Variants in PRDM15 observed in about 807,000 individuals in gnomAD.
PRDM15 encodes PR domain zinc finger protein 15.
Under a neutral mutation model 128.6 loss-of-function variants are expected in PRDM15, and 64 were observed. That is an observed-to-expected ratio of 0.50 (90% confidence interval 0.41 to 0.61). The LOEUF is 0.61. PRDM15 is among the 20% of genes least tolerant of loss of function. The pLI, the probability that PRDM15 is intolerant of heterozygous loss-of-function variation, is 0.00. For missense variants in PRDM15, 1,242 were observed against 1,569.1 expected, an observed-to-expected ratio of 0.79 and a Z score of 3.52; for synonymous variants, 615 against 621.8, an observed-to-expected ratio of 0.99 and a Z score of 0.16.
intron 21 of PRDM15, among the ~76,000 whole-genome samples, chr21:41,809,619 G>A (rs990848949): frequency 6.6e-6 from 1 of 152,098 alleles, no homozygotes; most frequent in East Asian, 1.9e-4. Context: ...CTGCTTTTAC[G>A]CTTAGAGAGT....
chr21:41,873,816 G>A (rs2064299837), intron 1 of PRDM15, among the ~76,000 whole-genome samples: 1 of 152,198 alleles, frequency 6.6e-6, no homozygotes, highest in Non-Finnish European at 1.5e-5. Context: ...GGGCCAAGGT[G>A]GGAGGATTGC....
At chr21:41,878,846 G>GA in intron 1 of PRDM15, 1 of 870,960 alleles carries the variant, frequency 1.1e-6, no homozygotes, top group Non-Finnish European at 1.3e-6. Context: ...GCCGCGGGCC[G>GA]GGGCGGCGAA....
intron 11 of PRDM15, among the ~76,000 whole-genome samples, chr21:41,831,068 C>T (rs908637044): frequency 2.6e-5 from 4 of 152,244 alleles, no homozygotes; most frequent in African/African-American, 7.2e-5. Context: ...GACCCAGGAG[C>T]GGGGCACCAG....
intron 6 of PRDM15, among the ~76,000 whole-genome samples, chr21:41,845,504 C>T (rs1024367437): frequency 2.6e-5 from 4 of 151,784 alleles, no homozygotes; most frequent in Non-Finnish European, 5.9e-5. Context: ...CTCAGGACCC[C>T]TCCGGTAATC....
At position 41,858,528 on chromosome 21, in the gene PRDM15, G is replaced by A. The variant is rs537960539; in HGVS notation, c.131+1064C>T. Among the ~76,000 whole-genome samples, 154 of 151,308 alleles carry A rather than the reference G, an allele frequency of 1.0e-3. 3 individuals are homozygous for A. Among genetic ancestry groups the A allele is most frequent in the African/African-American group, 3.5e-3 (144 of 41,288 alleles). On this transcript the variant is annotated intron_variant, in intron 3 of 23. Transcript: ENST00000398548. ...GAGCACAGGCCCCTCCGACAGAGGCGGACATTGGGTGCCCAGAGCACAGGC... is the reference window on the plus strand; with the variant it reads ...GAGCACAGGCCCCTCCGACAGAGGCAGACATTGGGTGCCCAGAGCACAGGC...
intron 1 of PRDM15, among the ~76,000 whole-genome samples, chr21:41,873,923 G>A (rs2064303771): frequency 6.6e-6 from 1 of 152,104 alleles, no homozygotes; most frequent in South Asian, 2.1e-4. Flanking sequence ...GCACATGCCT[G>A]TAGTCATAGC....
At chr21:41,869,593 T>C (rs900423167) in intron 1 of PRDM15, among the ~76,000 whole-genome samples, 4 of 152,062 alleles carry the variant, frequency 2.6e-5, no homozygotes, top group African/African-American at 9.7e-5. Context: ...ATTACAGGCA[T>C]GCACCACCAC....
chr21:41,851,848 C>A (rs1478512728), intron 5 of PRDM15, among the ~76,000 whole-genome samples: 1 of 152,192 alleles, frequency 6.6e-6, no homozygotes, highest in East Asian at 1.9e-4. Context: ...AAGTGACCAT[C>A]CTAAAAAGCA....
intron 3 of PRDM15, among the ~76,000 whole-genome samples, chr21:41,858,675 G>A (rs2063716527): frequency 6.6e-6 from 1 of 152,232 alleles, no homozygotes. Context: ...CAAGGAGCCA[G>A]CACGGAGGGT....
intron 12 of PRDM15, 23 bp from the exon 13 acceptor site, chr21:41,826,077 C>T: frequency 6.3e-7 from 1 of 1,590,810 alleles, no homozygotes; most frequent in East Asian, 2.2e-5. Context: ...ACCCCACCAG[C>T]AAGACAGTGA....
intron 17 of PRDM15, 73 bp from the exon 18 acceptor site, chr21:41,819,774 A>C: frequency 1.3e-6 from 2 of 1,528,904 alleles, no homozygotes; most frequent in Middle Eastern, 1.9e-4. Flanking sequence ...GGATGCACCA[A>C]GGAGAGGGGC....
chr21:41,852,005 G>C (rs1191062195), intron 5 of PRDM15, among the ~76,000 whole-genome samples: 1 of 152,208 alleles, frequency 6.6e-6, no homozygotes, highest in Non-Finnish European at 1.5e-5. Context: ...TTTATTCTGA[G>C]AGGTTTTAGG....
At chr21:41,847,331 TC>T in intron 5 of PRDM15, 140 bp from the exon 6 acceptor site, 1 of 596,342 alleles carries the variant, frequency 1.7e-6, no homozygotes, top group Non-Finnish European at 2.9e-6. Flanking sequence ...CTGTGGTCAC[TC>T]CACATGACAG....
At chr21:41,856,032 C>T (rs181924185) in intron 4 of PRDM15, among the ~76,000 whole-genome samples, 1 of 23,850 alleles carries the variant, frequency 4.2e-5, no homozygotes, top group Non-Finnish European at 7.4e-5. Flanking sequence ...CCTCCCTCCC[C>T]TCCCTTCCTT....
intron 14 of PRDM15, among the ~76,000 whole-genome samples, chr21:41,822,986 T>C (rs1255809679): frequency 6.7e-6 from 1 of 149,052 alleles, no homozygotes; most frequent in Non-Finnish European, 1.5e-5. Flanking sequence ...AGTAAGATCT[T>C]GCCATTGTAC....
chr21:41,839,994 T>C, intron 6 of PRDM15, 141 bp from the exon 7 acceptor site: 3 of 666,218 alleles, frequency 4.5e-6, no homozygotes, highest in Non-Finnish European at 7.8e-6. Context: ...TTATTTCTAC[T>C]GTTTTATTTC....
rs762659868 is a variant in PRDM15 at position 41,820,052 on chromosome 21, C to A, written c.2140+43G>T. ...CCCCAGCATCCCTCCCTGCCAGCCC[C>A]CTCCAGCGAGGGCCGGGACCCCAAA... is the stretch of plus-strand genomic sequence containing the variant. On this transcript the variant is annotated intron_variant, in intron 17 of 23. Transcript: ENST00000398548. 2.6e-6 allele frequency: 4 copies of A among 1,550,138 alleles called. No homozygotes were observed. The South Asian group carries it at 4.5e-5, about 17-fold the overall frequency.
At position 41,847,207 on chromosome 21, in the gene PRDM15, G is replaced by T; in HGVS notation, c.539-16C>A. The T allele has an allele frequency of 2.0e-6, 3 of 1,536,204 alleles. No homozygotes were observed. The highest frequency in any genetic ancestry group is 2.6e-6 in the Non-Finnish European group (3 of 1,135,430). On this transcript the variant is annotated splice_polypyrimidine_tract_variant and intron_variant, in intron 5 of 23. Coordinates refer to ENST00000398548, the MANE Select transcript of PRDM15 (RefSeq NM_001040424.3). ...GTGCCTGCAGCTTCAAAAGACATGA[G>T]AGGAGAAAAAGGTGACCCCCAAGCA... is the stretch of plus-strand genomic sequence containing the variant.
chr21:41,824,851 C>T (rs2062411455), intron 13 of PRDM15, among the ~76,000 whole-genome samples: 1 of 152,246 alleles, frequency 6.6e-6, no homozygotes, highest in Non-Finnish European at 1.5e-5. Context: ...CTGAGATTTC[C>T]ATTTTCTCTT....
Sources: allele counts gnomAD v4.1 joint callset (sites outside exome capture counted in the v4.1 genomes callset), GRCh38; gene constraint gnomAD v4.1.1; transcripts MANE v1.5; gene names NCBI Gene and HGNC (gene_info 2026-07-23, HGNC 2026-07-21).